The following OR2L13 variants were observed in gnomAD, a reference collection of about 807,000 sequenced individuals.
The protein encoded by OR2L13 is olfactory receptor 2L13.
Under a neutral mutation model 15.3 loss-of-function variants are expected in OR2L13, and 14 were observed. That is an observed-to-expected ratio of 0.91 (90% confidence interval 0.60 to 1.43). The LOEUF is 1.43. Among genes scored for constraint, OR2L13 ranks in the 40% most tolerant of loss-of-function variants. OR2L13 has a pLI of 0.00. For missense variants in OR2L13, 367 were observed against 387.9 expected, an observed-to-expected ratio of 0.95 and a Z score of 0.45; for synonymous variants, 152 against 142.9, an observed-to-expected ratio of 1.06 and a Z score of -0.45.
At chr1:247,979,464 G>T in the OR2L13 span, among the ~76,000 whole-genome samples, 4 of 152,006 alleles carry the variant, frequency 2.6e-5, no homozygotes, top group Admixed American at 1.3e-4. Context: ...TTCCAGCTTC[G>T]TCCATGTCCC....
chr1:248,033,137 G>A, the OR2L13 span, among the ~76,000 whole-genome samples: 2 of 152,036 alleles, frequency 1.3e-5, no homozygotes, highest in Non-Finnish European at 1.5e-5. Context: ...ATCATAAATC[G>A]AGAAGCCTCT....
chr1:248,035,335 G>A, the OR2L13 span, among the ~76,000 whole-genome samples: 1 of 152,080 alleles, frequency 6.6e-6, no homozygotes, highest in African/African-American at 2.4e-5. Flanking sequence ...TGTAGTCCCA[G>A]CTACTTGAGA....
the OR2L13 span, among the ~76,000 whole-genome samples, chr1:247,979,323 C>A: frequency 3.3e-5 from 5 of 152,040 alleles, no homozygotes; most frequent in East Asian, 9.7e-4. Flanking sequence ...GCCACCACCC[C>A]CCAAAAGGCC....
At chr1:248,061,816 G>A in the OR2L13 span, 2 of 435,928 alleles carry the variant, frequency 4.6e-6, no homozygotes, top group East Asian at 3.5e-5. Context: ...TTTCTTCATG[G>A]CATTGTTTCC....
upstream of OR2L13, among the ~76,000 whole-genome samples, chr1:248,093,504 C>T (rs140083891): frequency 2.0e-5 from 3 of 152,210 alleles, no homozygotes; most frequent in African/African-American, 7.2e-5. Context: ...ATAGAAGTTA[C>T]CAAAGACTAA....
chr1:248,010,591 T>G, the OR2L13 span, among the ~76,000 whole-genome samples: 2 of 151,976 alleles, frequency 1.3e-5, no homozygotes, highest in Non-Finnish European at 2.9e-5. Flanking sequence ...AGAACTTGCT[T>G]TATGAATCTG....
At chr1:247,942,594 C>T in the OR2L13 span, among the ~76,000 whole-genome samples, 1 of 151,734 alleles carries the variant, frequency 6.6e-6, no homozygotes, top group Non-Finnish European at 1.5e-5. Context: ...AAAAAATTGC[C>T]CAAAGTCATA....
At chr1:248,085,020 G>A in the OR2L13 span, among the ~76,000 whole-genome samples, 2 of 152,138 alleles carry the variant, frequency 1.3e-5, no homozygotes, top group Non-Finnish European at 2.9e-5. Context: ...GAAATAAACA[G>A]AGATTATAGG....
At chr1:247,943,331 A>G in the OR2L13 span, among the ~76,000 whole-genome samples, 15 of 152,120 alleles carry the variant, frequency 9.9e-5, no homozygotes, top group Non-Finnish European at 1.9e-4. Context: ...TACTATGTTC[A>G]TTATTTTAGT....
chr1:248,079,037 A>C, the OR2L13 span, among the ~76,000 whole-genome samples: 8 of 152,232 alleles, frequency 5.3e-5, no homozygotes, highest in African/African-American at 1.9e-4. Context: ...TGGTAATAAA[A>C]CAGTTCTGTA....
chr1:247,988,458 G>A, the OR2L13 span, among the ~76,000 whole-genome samples: 1 of 151,894 alleles, frequency 6.6e-6, no homozygotes, highest in Non-Finnish European at 1.5e-5. Flanking sequence ...CCTTCCTAAA[G>A]ATAGGAATTC....
chr1:247,956,208 C>T, the OR2L13 span, among the ~76,000 whole-genome samples: 1 of 151,980 alleles, frequency 6.6e-6, no homozygotes, highest in Admixed American at 6.6e-5. Context: ...GGAATCCTTT[C>T]CCCATTGCTT....
the OR2L13 span, among the ~76,000 whole-genome samples, chr1:247,989,095 A>T: frequency 6.6e-6 from 1 of 152,122 alleles, no homozygotes; most frequent in Non-Finnish European, 1.5e-5. Flanking sequence ...TAACTTAAGA[A>T]TTCTGAAATT....
chr1:248,064,632 T>C, the OR2L13 span, among the ~76,000 whole-genome samples: 1 of 152,166 alleles, frequency 6.6e-6, no homozygotes, highest in African/African-American at 2.4e-5. Context: ...TAGTGATTCA[T>C]GGAGGGAATC....
the OR2L13 span, among the ~76,000 whole-genome samples, chr1:247,998,650 C>T: frequency 6.6e-6 from 1 of 151,936 alleles, no homozygotes; most frequent in Non-Finnish European, 1.5e-5. Context: ...TTAAAATTAC[C>T]AGTCTGTAGT....
At chr1:248,022,171 C>T in the OR2L13 span, 163 of 1,613,978 alleles carry the variant, frequency 1.0e-4, 1 homozygote, top group African/African-American at 7.9e-4. Flanking sequence ...TACATCTCTA[C>T]GATTGTTCCT....
chr1:248,087,678 T>G, the OR2L13 span, among the ~76,000 whole-genome samples: 2 of 152,198 alleles, frequency 1.3e-5, no homozygotes, highest in Non-Finnish European at 2.9e-5. Flanking sequence ...CCTGGAGCTA[T>G]GCCACTTGGA....
the OR2L13 span, among the ~76,000 whole-genome samples, chr1:248,006,019 A>T: frequency 1.3e-5 from 2 of 152,124 alleles, no homozygotes; most frequent in Admixed American, 6.6e-5. Context: ...GATACGTCAT[A>T]TTCCATGAAT....
chr1:248,035,236 G>A, the OR2L13 span, among the ~76,000 whole-genome samples: 1 of 151,978 alleles, frequency 6.6e-6, no homozygotes, highest in Non-Finnish European at 1.5e-5. Context: ...GGATCACGAG[G>A]TCAGGAGATC....
Sources: gnomAD v4.1 joint callset for allele counts (sites outside exome capture counted in the v4.1 genomes callset) on GRCh38, gnomAD v4.1.1 for gene constraint, MANE v1.5 for transcripts, NCBI Gene and HGNC (gene_info 2026-07-23, HGNC 2026-07-21) for gene names.